The following GABRB1 variants were observed in gnomAD, a reference collection of about 807,000 sequenced individuals.
The protein encoded by GABRB1 is gamma-aminobutyric acid receptor subunit beta-1.
Under a neutral mutation model 51.6 loss-of-function variants are expected in GABRB1, and 17 were observed. The observed-to-expected ratio is 0.33, with a 90% confidence interval of 0.23 to 0.49. GABRB1 has a LOEUF of 0.49. Ranked by LOEUF, GABRB1 falls within the 20% of genes least tolerant of loss-of-function variation. GABRB1 has a pLI of 0.99. For synonymous variants in GABRB1, 247 were observed against 218.9 expected, an observed-to-expected ratio of 1.13 and a Z score of -1.14; for missense variants, 410 against 600.6, an observed-to-expected ratio of 0.68 and a Z score of 3.32.
chr4:47,403,607 G>A lies in GABRB1; in HGVS notation c.731G>A (p.Gly244Asp). The stretch of plus-strand genomic sequence containing the variant: ...AGTTTTCGTCTAAAGAGAAACATTG[G>A]TTACTTCATTTTGCAAACCTACATG... ...SLSFRLKRNI[G>D]YFILQTYMPS... Residue 244 changes from glycine to aspartate, a missense_variant, in exon 7 of 9, where the codon GGT becomes GAT. This residue lies in a region of GABRB1 where 37 missense variants were observed against 126.3 expected (regional missense o/e 0.29). Transcript: ENST00000295454. 2 of 1,613,932 alleles carry A rather than the reference G, an allele frequency of 1.2e-6. No homozygotes were observed. Among genetic ancestry groups the A allele is most frequent in the South Asian group, 1.1e-5 (1 of 91,074 alleles).
intron 4 of GABRB1, among the ~76,000 whole-genome samples, chr4:47,270,981 G>T (rs945093428): frequency 4.6e-5 from 7 of 152,086 alleles, no homozygotes; most frequent in African/African-American, 1.7e-4. Context: ...CCAAAGCAAA[G>T]AACTTACTTC....
chr4:47,129,452 G>A (rs1030240884), intron 3 of GABRB1, among the ~76,000 whole-genome samples: 2 of 152,102 alleles, frequency 1.3e-5, no homozygotes, highest in African/African-American at 4.8e-5. Context: ...ATATTTTAAT[G>A]TATTCATCAT....
At chr4:47,200,797 C>T (rs544999429) in intron 4 of GABRB1, among the ~76,000 whole-genome samples, 1 of 152,236 alleles carries the variant, frequency 6.6e-6, no homozygotes, top group Admixed American at 6.5e-5. Flanking sequence ...TTAACTACAT[C>T]CTAAGAAAGT....
chr4:47,034,047 A>G lies in GABRB1; in HGVS notation c.240+1563A>G, dbSNP rs1377948418. Among the ~76,000 whole-genome samples the G allele has an allele frequency of 3.9e-5, 6 of 152,198 alleles. No individual in the cohort carries two copies. In the East Asian group the frequency reaches 1.2e-3, roughly 29 times the overall value. The stretch of plus-strand genomic sequence containing the variant: ...AATTAGACAATGAATTAGTTTAACA[A>G]GTTGTATCATGTAGATTAATAATGT... On this transcript the variant is annotated intron_variant, in intron 3 of 8. Transcript: ENST00000295454.
At chr4:47,244,883 G>A (rs778537318) in intron 4 of GABRB1, among the ~76,000 whole-genome samples, 6 of 152,128 alleles carry the variant, frequency 3.9e-5, no homozygotes, top group Non-Finnish European at 7.3e-5. Context: ...ATGCCCACAA[G>A]AGAAAGCACG....
At chr4:47,029,743 CT>C (rs1725226861), upstream of GABRB1, among the ~76,000 whole-genome samples, 5 of 152,054 alleles carry the variant, frequency 3.3e-5, no homozygotes, top group South Asian at 1.0e-3. Flanking sequence ...TAAAGATCTA[CT>C]TTTTTCCCTT....
intron 7 of GABRB1, 39 bp downstream of exon 7, chr4:47,403,750 T>C: frequency 6.3e-7 from 1 of 1,592,160 alleles, no homozygotes. Flanking sequence ...TAACAGATTT[T>C]ACTTTCAAAC....
chr4:47,031,958 A>G lies in GABRB1; in HGVS notation c.125A>G (p.Asp42Gly), dbSNP rs769774963. Residue 42 changes from aspartate to glycine, a missense_variant, in exon 2 of 9, where the codon GAC becomes GGC. By Grantham distance (94) the Asp-to-Gly change is moderately conservative. Coordinates refer to ENST00000295454, the MANE Select transcript of GABRB1 (RefSeq NM_000812.4). ...ATGTCATACGTGAAAGAGACAGTGGACAGATTGCTCAAAGGATATGACATT... is the reference window on the plus strand; with the variant it reads ...ATGTCATACGTGAAAGAGACAGTGGGCAGATTGCTCAAAGGATATGACATT... ...SNMSYVKETV[D>G]RLLKGYDIRL... is the part of the protein sequence containing the mutation. 2 of 1,613,778 alleles carry G rather than the reference A, an allele frequency of 1.2e-6. No individual in the cohort carries two copies. Among genetic ancestry groups the G allele is most frequent in the Admixed American group, 1.7e-5 (1 of 59,986 alleles).
intron 4 of GABRB1, among the ~76,000 whole-genome samples, chr4:47,294,282 C>T (rs895985718): frequency 5.3e-5 from 8 of 152,074 alleles, no homozygotes; most frequent in African/African-American, 1.7e-4. Flanking sequence ...TGCACTGTGC[C>T]CGAGCTGAAG....
chr4:47,137,957 C>T (rs936417486), intron 3 of GABRB1, among the ~76,000 whole-genome samples: 1 of 152,054 alleles, frequency 6.6e-6, no homozygotes, highest in African/African-American at 2.4e-5. Context: ...TTAATGTATA[C>T]CCATGTAATT....
At chr4:47,331,189 T>C (rs1725467215) in intron 5 of GABRB1, among the ~76,000 whole-genome samples, 1 of 152,116 alleles carries the variant, frequency 6.6e-6, no homozygotes, top group South Asian at 2.1e-4. Context: ...GAAATGTTAA[T>C]GAATTTTAGT....
At chr4:47,327,577 TG>T (rs1725305261) in intron 5 of GABRB1, among the ~76,000 whole-genome samples, 1 of 152,220 alleles carries the variant, frequency 6.6e-6, no homozygotes, top group Non-Finnish European at 1.5e-5. Context: ...TAACACTTAG[TG>T]ACACCTGGTT....
intron 5 of GABRB1, among the ~76,000 whole-genome samples, chr4:47,352,391 A>C (rs544548620): frequency 6.6e-6 from 1 of 152,250 alleles, no homozygotes; most frequent in South Asian, 2.1e-4. Flanking sequence ...ATAGAAAAAG[A>C]GAGAATCCTC....
intron 4 of GABRB1, among the ~76,000 whole-genome samples, chr4:47,295,731 A>G (rs1216434279): frequency 3.3e-5 from 5 of 152,226 alleles, no homozygotes; most frequent in African/African-American, 1.2e-4. Context: ...AGGCAGGCCA[A>G]CATTCAGATT....
At chr4:47,152,047 C>T (rs1717483264) in intron 3 of GABRB1, among the ~76,000 whole-genome samples, 1 of 151,862 alleles carries the variant, frequency 6.6e-6, no homozygotes, top group Non-Finnish European at 1.5e-5. Flanking sequence ...TTACTTTTGC[C>T]ATATGCTTTT....
chr4:47,076,637 G>A (rs745420380), intron 3 of GABRB1, among the ~76,000 whole-genome samples: 5 of 151,834 alleles, frequency 3.3e-5, no homozygotes, highest in Non-Finnish European at 5.9e-5. Context: ...GCCAGCAGCC[G>A]ATTACATGGA....
At chr4:47,132,223 A>G (rs1336219893) in intron 3 of GABRB1, among the ~76,000 whole-genome samples, 1 of 152,142 alleles carries the variant, frequency 6.6e-6, no homozygotes, top group Non-Finnish European at 1.5e-5. Context: ...TGAAAATATC[A>G]ATCACTGTTT....
chr4:47,182,780 A>G (rs1719007424), intron 4 of GABRB1, among the ~76,000 whole-genome samples: 1 of 152,022 alleles, frequency 6.6e-6, no homozygotes, highest in South Asian at 2.1e-4. Flanking sequence ...TACATACCTA[A>G]GAATGAGCCT....
intron 5 of GABRB1, among the ~76,000 whole-genome samples, chr4:47,347,449 A>G (rs546075678): frequency 1.3e-5 from 2 of 152,306 alleles, no homozygotes; most frequent in East Asian, 3.9e-4. Flanking sequence ...CAGTGAACAG[A>G]AGTGTGAGTA....
Sources: allele counts gnomAD v4.1 joint callset (sites outside exome capture counted in the v4.1 genomes callset), GRCh38; gene constraint gnomAD v4.1.1; regional missense constraint gnomAD v4.1.1; transcripts MANE v1.5; gene names NCBI Gene and HGNC (gene_info 2026-07-23, HGNC 2026-07-21).